NR2F1-AS1: variants seen among roughly 807,000 people sequenced by gnomAD.
The protein encoded by NR2F1-AS1 is NR2F1 antisense RNA 1.
At chr5:93,546,248 G>T (rs971765290) in intron 4 of NR2F1-AS1, among the ~76,000 whole-genome samples, 4 of 152,132 alleles carry the variant, frequency 2.6e-5, no homozygotes, top group African/African-American at 9.7e-5. Flanking sequence ...AATGTAAACT[G>T]ACACAGAAGG....
chr5:93,509,233 G>A (rs182437611), intron 4 of NR2F1-AS1, among the ~76,000 whole-genome samples: 9 of 152,210 alleles, frequency 5.9e-5, no homozygotes, highest in Non-Finnish European at 1.5e-5. Context: ...AATGTGTACA[G>A]CATGATATGA....
intron 4 of NR2F1-AS1, among the ~76,000 whole-genome samples, chr5:93,512,833 T>C (rs1369819362): frequency 6.6e-6 from 1 of 152,184 alleles, no homozygotes; most frequent in African/African-American, 2.4e-5. Flanking sequence ...GGCTAAACCA[T>C]ATAGCTTAGG....
At chr5:93,532,235 C>A (rs1751750687) in intron 4 of NR2F1-AS1, among the ~76,000 whole-genome samples, 3 of 152,084 alleles carry the variant, frequency 2.0e-5, no homozygotes, top group Admixed American at 1.3e-4. Context: ...ACATACTTTG[C>A]AACTAATTTT....
At chr5:93,514,454 A>T (rs974893813) in intron 4 of NR2F1-AS1, among the ~76,000 whole-genome samples, 4 of 152,108 alleles carry the variant, frequency 2.6e-5, no homozygotes, top group African/African-American at 9.6e-5. Flanking sequence ...CATGAAATTC[A>T]TTCAGGGAGC....
At position 93,460,953 on chromosome 5, in the gene NR2F1-AS1, T is replaced by C. The variant is rs570694147; in HGVS notation, n.639-65411A>G. ...TACCTCAAAGACCTAGAGGCAGAAC[T>C]ACCATTCAACCCAGCAGTCCCATTA... is the stretch of plus-strand genomic sequence containing the variant. On this transcript the variant is annotated intron_variant and non_coding_transcript_variant, in intron 4 of 5. Transcript: ENST00000660523. 2.0e-5 allele frequency among the ~76,000 whole-genome samples: 3 copies of C among 152,338 alleles called. No individual in the cohort carries two copies. In the South Asian group the frequency reaches 6.2e-4, roughly 32 times the overall value.
intron 4 of NR2F1-AS1, among the ~76,000 whole-genome samples, chr5:93,462,633 A>G (rs540228445): frequency 1.3e-5 from 2 of 152,332 alleles, no homozygotes; most frequent in South Asian, 4.1e-4. Flanking sequence ...GAAACTTCCT[A>G]GAGATTTGTT....
intron 4 of NR2F1-AS1, among the ~76,000 whole-genome samples, chr5:93,546,355 T>A (rs1198577997): frequency 6.6e-6 from 1 of 152,144 alleles, no homozygotes; most frequent in Non-Finnish European, 1.5e-5. Flanking sequence ...TCTCAAAAAT[T>A]TCTAGAAAGC....
intron 4 of NR2F1-AS1, among the ~76,000 whole-genome samples, chr5:93,424,427 C>A (rs1749154416): frequency 6.6e-6 from 1 of 151,530 alleles, no homozygotes; most frequent in Admixed American, 6.6e-5. Context: ...AGGTAACTAG[C>A]CATATTTATA....
chr5:93,510,423 A>G (rs983304661), intron 4 of NR2F1-AS1, among the ~76,000 whole-genome samples: 2 of 152,172 alleles, frequency 1.3e-5, no homozygotes, highest in Non-Finnish European at 2.9e-5. Flanking sequence ...CCTTAGTGGC[A>G]TCTAACTCCT....
At position 93,578,517 on chromosome 5, in the gene NR2F1-AS1, C is replaced by G. The variant is rs141329730; in HGVS notation, n.313+1950G>C. On this transcript the variant is annotated intron_variant and non_coding_transcript_variant, in intron 1 of 5. Transcript: ENST00000660523. ...GCCCCGGCAAGGCCCTTACAGTTCCCAGACCCGCCAAACCGAAAGAGAGAC... is the reference window on the plus strand; with the variant it reads ...GCCCCGGCAAGGCCCTTACAGTTCCGAGACCCGCCAAACCGAAAGAGAGAC... 1.1e-3 allele frequency among the ~76,000 whole-genome samples: 171 copies of G among 152,214 alleles called. 1 individual carries two copies. Among genetic ancestry groups the G allele is most frequent in the African/African-American group, 3.5e-3 (145 of 41,534 alleles).
At chr5:93,452,617 C>T (rs1214094027) in intron 4 of NR2F1-AS1, among the ~76,000 whole-genome samples, 1 of 152,150 alleles carries the variant, frequency 6.6e-6, no homozygotes, top group Non-Finnish European at 1.5e-5. Context: ...AGTGAAACTC[C>T]TCAAGGCTGA....
chr5:93,489,664 G>A (rs1450257509), intron 4 of NR2F1-AS1, among the ~76,000 whole-genome samples: 3 of 152,012 alleles, frequency 2.0e-5, no homozygotes, highest in Non-Finnish European at 4.4e-5. Context: ...AAAATTAAAA[G>A]AAACCTCTAA....
chr5:93,549,112 A>C (rs1752163415), intron 4 of NR2F1-AS1, among the ~76,000 whole-genome samples: 1 of 152,166 alleles, frequency 6.6e-6, no homozygotes, highest in Non-Finnish European at 1.5e-5. Flanking sequence ...CTAAGCATAA[A>C]ATTAATAGTG....
At chr5:93,561,748 A>G (rs1242731967) in intron 2 of NR2F1-AS1, among the ~76,000 whole-genome samples, 2 of 152,154 alleles carry the variant, frequency 1.3e-5, no homozygotes, top group African/African-American at 4.8e-5. Flanking sequence ...ACTCCAGCTC[A>G]GGCAACAGAG....
At chr5:93,559,161 G>A (rs1323013507) in intron 2 of NR2F1-AS1, among the ~76,000 whole-genome samples, 2 of 152,204 alleles carry the variant, frequency 1.3e-5, no homozygotes, top group African/African-American at 4.8e-5. Context: ...TTTTGTCAAT[G>A]ATCTTAGCTA....
intron 4 of NR2F1-AS1, among the ~76,000 whole-genome samples, chr5:93,473,480 A>G (rs1378053523): frequency 6.6e-6 from 1 of 151,880 alleles, no homozygotes; most frequent in Non-Finnish European, 1.5e-5. Flanking sequence ...TCACAAGTAT[A>G]TAATTAGTTA....
chr5:93,583,974 G>C (rs906264590), upstream of NR2F1-AS1: 1 of 152,324 alleles, frequency 6.6e-6, no homozygotes, highest in African/African-American at 2.4e-5. Context: ...CAAAGTGTGT[G>C]ATCTTCCTCG....
chr5:93,477,768 G>C (rs1369720207), intron 4 of NR2F1-AS1, among the ~76,000 whole-genome samples: 1 of 152,134 alleles, frequency 6.6e-6, no homozygotes, highest in African/African-American at 2.4e-5. Context: ...TATTCTTTCT[G>C]AGTAGTTACC....
chr5:93,532,231 T>C (rs1751750627), intron 4 of NR2F1-AS1, among the ~76,000 whole-genome samples: 1 of 152,214 alleles, frequency 6.6e-6, no homozygotes, highest in African/African-American at 2.4e-5. Context: ...TAAAACATAC[T>C]TTGCAACTAA....
Sources: allele counts gnomAD v4.1 joint callset (sites outside exome capture counted in the v4.1 genomes callset), GRCh38; gene constraint gnomAD v4.1.1; transcripts MANE v1.5; gene names NCBI Gene and HGNC (gene_info 2026-07-23, HGNC 2026-07-21).